Variants in GALNT2 observed in about 807,000 individuals in gnomAD.
GALNT2 encodes polypeptide N-acetylgalactosaminyltransferase 2.
GALNT2 carries 31 observed loss-of-function variants against 81.4 expected under a neutral mutation model. The observed-to-expected ratio is 0.38, with a 90% CI of 0.29 to 0.51. The LOEUF (loss-of-function observed/expected upper bound fraction) is 0.51, where lower values mean the gene tolerates loss of function less well. Among genes scored for constraint, GALNT2 ranks in the 20% least tolerant of loss-of-function variants. GALNT2 has a pLI of 0.87. For synonymous variants in GALNT2, 303 were observed against 287.4 expected (o/e 1.05, Z -0.55); for missense variants, 629 against 765.7 (o/e 0.82, Z 2.11).
chr1:230,219,021 A>G (rs1292567003), intron 3 of GALNT2, among the ~76,000 whole-genome samples: 1 of 152,156 alleles, frequency 6.6e-6, no homozygotes, highest in African/African-American at 2.4e-5. Context: ...ATGCCTGATG[A>G]TCTGAGGTGG....
At position 230,243,371 on chromosome 1, in the gene GALNT2, A is replaced by G. The variant is rs757381636; in HGVS notation, c.673A>G (p.Ser225Gly). 6.2e-7 allele frequency: 1 copy of G among 1,612,634 alleles called. No individual in the cohort carries two copies. The highest frequency in any genetic ancestry group is 8.5e-7 in the Non-Finnish European group (1 of 1,179,886). ...AQAKVLTFLD[S>G]HCECNEHWLE... ...AGCCAAGGTCCTGACCTTCCTGGAC[A>G]GTCACTGCGAGTGTAATGAGCACTG... The change falls in exon 7 of 16, where the codon AGT (serine) becomes GGT (glycine). Residue 225 changes from serine (S) to glycine (G), a missense_variant. This residue lies in a region of GALNT2 where 360 missense variants were observed against 492.8 expected (regional missense o/e 0.73). Transcript: ENST00000366672. This position sits in a 1 kb window ranked among gnomAD's most constrained non-coding sequence, Gnocchi z 4.2.
intron 8 of GALNT2, among the ~76,000 whole-genome samples, chr1:230,247,127 G>A (rs569320329): frequency 2.0e-5 from 3 of 151,786 alleles, no homozygotes; most frequent in South Asian, 2.1e-4. Context: ...CCAGCTACTC[G>A]GGGCTAAGGT....
At chr1:230,069,077 C>T (rs139635099) in intron 1 of GALNT2, among the ~76,000 whole-genome samples, 1 of 152,278 alleles carries the variant, frequency 6.6e-6, no homozygotes, top group Non-Finnish European at 1.5e-5. Context: ...CATAAGCCAC[C>T]CTTGGCGTTT....
intron 3 of GALNT2, 84 bp from the exon 4 acceptor site, chr1:230,235,930 A>G (rs1665012185): frequency 1.6e-6 from 2 of 1,240,840 alleles, no homozygotes; most frequent in South Asian, 2.6e-5. Context: ...CCAGTTGGTC[A>G]GTCTGCCTGT....
At chr1:230,222,128 G>A (rs1219395396) in intron 3 of GALNT2, among the ~76,000 whole-genome samples, 3 of 147,454 alleles carry the variant, frequency 2.0e-5, no homozygotes, top group African/African-American at 5.1e-5. Flanking sequence ...CCGGGTTCAC[G>A]CCATTCTCCT....
In GALNT2 at chr1:230,280,187, G is replaced by A. The variant is rs1017139005; in HGVS notation, c.*729G>A. On this transcript the variant is annotated 3_prime_UTR_variant, in exon 16 of 16. Transcript: ENST00000366672. Reference sequence around the variant, plus strand: ...AAGGGGCCAGAGCCCGGTGGGGCCAGTTTCTCACAGAGGGAGGAGGTGGCC... The same window carrying A: ...AAGGGGCCAGAGCCCGGTGGGGCCAATTTCTCACAGAGGGAGGAGGTGGCC... The A allele has an allele frequency of 2.8e-6, 1 of 360,826 alleles. No individual in the cohort carries two copies. The highest frequency in any genetic ancestry group is 5.5e-6 in the Non-Finnish European group (1 of 182,718). The allele number at this position is 360,826 out of a possible 1,614,324, so 22.4% of individuals were successfully genotyped here.
intron 1 of GALNT2, among the ~76,000 whole-genome samples, chr1:230,122,720 A>G (rs992818467): frequency 1.3e-5 from 2 of 152,006 alleles, no homozygotes; most frequent in Non-Finnish European, 1.5e-5. Flanking sequence ...ATTAACATGA[A>G]TTTATTATCT....
At chr1:230,177,774 C>T (rs557299586) in intron 1 of GALNT2, among the ~76,000 whole-genome samples, 5 of 152,268 alleles carry the variant, frequency 3.3e-5, no homozygotes, top group Non-Finnish European at 7.4e-5. Flanking sequence ...CAAAGGAGCC[C>T]TTAGGGAGAA....
rs79516513 is a variant in GALNT2 at position 230,200,683 on chromosome 1, C to G, written c.221-2454C>G. On this transcript the variant is annotated intron_variant, in intron 2 of 15. Transcript: ENST00000366672. ...GAGGCCTTATCCCATGGCCACTGCTCTCCTTGCACACAGGCCCACACCAAC... is the reference window on the plus strand; with the variant it reads ...GAGGCCTTATCCCATGGCCACTGCTGTCCTTGCACACAGGCCCACACCAAC... Among the ~76,000 whole-genome samples the G allele has an allele frequency of 3.9e-3, 591 of 152,342 alleles. 2 individuals carry two copies. The highest frequency in any genetic ancestry group is 0.013 in the African/African-American group (523 of 41,574).
intron 2 of GALNT2, among the ~76,000 whole-genome samples, chr1:230,185,529 C>A (rs910903484): frequency 6.6e-6 from 1 of 152,084 alleles, no homozygotes; most frequent in South Asian, 2.1e-4. Context: ...TCAGCTTCCC[C>A]CTCTCCACAT....
chr1:230,200,742 C>T (rs1371126341), intron 2 of GALNT2, among the ~76,000 whole-genome samples: 2 of 152,180 alleles, frequency 1.3e-5, no homozygotes, highest in African/African-American at 2.4e-5. Context: ...CCCAGCACGC[C>T]GGTGAGAAGC....
chr1:230,196,009 T>A (rs1414283746), intron 2 of GALNT2, among the ~76,000 whole-genome samples: 1 of 152,222 alleles, frequency 6.6e-6, no homozygotes, highest in Admixed American at 6.5e-5. Context: ...GTCTCCTGTC[T>A]GAGCATCCTT....
At chr1:230,062,526 C>G (rs1659072197), upstream of GALNT2, among the ~76,000 whole-genome samples, 1 of 152,234 alleles carries the variant, frequency 6.6e-6, no homozygotes, top group South Asian at 2.1e-4. Context: ...CTCTCTTCCT[C>G]AAGCCCCTGG....
chr1:230,086,780 C>T lies in GALNT2; in HGVS notation c.126+19374C>T, dbSNP rs145868904. On this transcript the variant is annotated intron_variant, in intron 1 of 15. Transcript: ENST00000366672. The stretch of plus-strand genomic sequence containing the variant: ...AGCCCTTTGTACTCAGTGGTGCGTC[C>T]GTCATGCTGTTTGTGCTATTGGGGA... 6.8e-3 allele frequency among the ~76,000 whole-genome samples: 1,033 copies of T among 152,208 alleles called. 6 individuals carry two copies. The highest frequency in any genetic ancestry group is 9.4e-3 in the Non-Finnish European group (640 of 68,024).
At chr1:230,104,806 T>C (rs1260966970) in intron 1 of GALNT2, among the ~76,000 whole-genome samples, 1 of 152,192 alleles carries the variant, frequency 6.6e-6, no homozygotes, top group Non-Finnish European at 1.5e-5. Flanking sequence ...TTACTGGTCT[T>C]TGCAGGAAGC....
intron 1 of GALNT2, among the ~76,000 whole-genome samples, chr1:230,165,644 A>G (rs116310920): frequency 5.3e-4 from 81 of 152,348 alleles, no homozygotes; most frequent in African/African-American, 1.9e-3. Context: ...TTGTGATGCC[A>G]AGTATTGAGA....
At chr1:230,239,377 C>G (rs1045318171) in intron 6 of GALNT2, among the ~76,000 whole-genome samples, 1 of 152,108 alleles carries the variant, frequency 6.6e-6, no homozygotes, top group East Asian at 1.9e-4. Flanking sequence ...CATCTGCAGC[C>G]GAGGAGCAGG....
At chr1:230,260,483 A>T (rs1347744872) in intron 11 of GALNT2, among the ~76,000 whole-genome samples, 2 of 152,218 alleles carry the variant, frequency 1.3e-5, no homozygotes, top group Non-Finnish European at 2.9e-5. Context: ...TCACTTAAAA[A>T]CTTGAGTGAT....
chr1:230,091,083 T>C (rs35714776), intron 1 of GALNT2, among the ~76,000 whole-genome samples: 2,486 of 150,038 alleles, frequency 0.017, 29 homozygotes, highest in Middle Eastern at 0.041. Flanking sequence ...TTCTTTCTTT[T>C]TTTTTTTGAG....
Sources: allele counts gnomAD v4.1 joint callset (sites outside exome capture counted in the v4.1 genomes callset), GRCh38; gene constraint gnomAD v4.1.1; regional missense constraint gnomAD v4.1.1; non-coding constraint Gnocchi (gnomAD v3.1); transcripts MANE v1.5; gene names NCBI Gene and HGNC (gene_info 2026-07-23, HGNC 2026-07-21).